Variants in ASTN1 observed in about 807,000 individuals in gnomAD.
ASTN1 encodes the protein astrotactin-1.
Under a neutral mutation model 140.7 loss-of-function variants are expected in ASTN1, and 41 were observed. That is an observed-to-expected ratio of 0.29 (90% confidence interval 0.23 to 0.38). ASTN1 has a LOEUF of 0.38. Among genes scored for constraint, ASTN1 ranks in the 10% least tolerant of loss-of-function variants. The pLI, the probability that ASTN1 is intolerant of heterozygous loss-of-function variation, is 1.00. For missense variants in ASTN1, 1,479 were observed against 1,678.8 expected (o/e 0.88, Z 2.08); for synonymous variants, 640 against 652.2 (o/e 0.98, Z 0.29).
At position 177,055,561 on chromosome 1, in the gene ASTN1, T is replaced by C. The variant is rs748979686; in HGVS notation, c.471+5517A>G. On this transcript the variant is annotated intron_variant, in intron 2 of 22. Coordinates refer to ENST00000361833, the MANE Select transcript of ASTN1 (RefSeq NM_004319.3). ...AAGGTAAAATACACAGTGATGGCCC[T>C]GGCATGTGGGCAGTATGACCAGTAA... 4.6e-5 allele frequency among the ~76,000 whole-genome samples: 7 copies of C among 152,378 alleles called. No homozygotes were observed. In the East Asian group the frequency reaches 1.3e-3, roughly 29 times the overall value.
intron 16 of ASTN1, among the ~76,000 whole-genome samples, chr1:176,930,005 C>T (rs990948549): frequency 7.2e-5 from 11 of 151,988 alleles, no homozygotes; most frequent in Non-Finnish European, 1.6e-4. Flanking sequence ...AAGACTCCGT[C>T]TCAAAAAAAC....
Position 177,116,367 on chromosome 1 carries a change from CAT to C in ASTN1, c.283+48025_283+48026del, listed in dbSNP as rs764418069. 5.9e-5 allele frequency among the ~76,000 whole-genome samples: 9 copies of C among 151,914 alleles called. No individual in the cohort carries two copies. In the South Asian group the frequency reaches 6.2e-4, roughly 11 times the overall value. ...ATTATTTTATGTGTAGATGACAACA[CAT>C]GTTTCATAATACCTCTTTTCTCAGA... On this transcript the variant is annotated intron_variant, in intron 1 of 22. Coordinates refer to ENST00000361833, the MANE Select transcript of ASTN1 (RefSeq NM_004319.3).
At chr1:177,152,451 A>G (rs376607471) in intron 1 of ASTN1, among the ~76,000 whole-genome samples, 221 of 152,268 alleles carry the variant, frequency 1.5e-3, no homozygotes, top group African/African-American at 5.0e-3. Context: ...ATAAAAAAGG[A>G]AACATTCCTT....
At chr1:177,158,687 T>TGC (rs1683350196) in intron 1 of ASTN1, among the ~76,000 whole-genome samples, 1 of 151,328 alleles carries the variant, frequency 6.6e-6, no homozygotes, top group Admixed American at 6.6e-5. Flanking sequence ...TGTGTGTGTG[T>TGC]GTGTGTATGA....
intron 16 of ASTN1, among the ~76,000 whole-genome samples, chr1:176,918,379 C>T (rs1211982066): frequency 6.6e-6 from 1 of 152,160 alleles, no homozygotes; most frequent in Non-Finnish European, 1.5e-5. Flanking sequence ...CCAATGGCCT[C>T]CTTCACTTTT....
In ASTN1 at chr1:177,054,245, T is replaced by C. The variant is rs553059547; in HGVS notation, c.471+6833A>G. 1.2e-3 allele frequency among the ~76,000 whole-genome samples: 187 copies of C among 152,282 alleles called. 2 individuals are homozygous for C. The highest frequency in any genetic ancestry group is 0.01 in the Middle Eastern group (3 of 294). On this transcript the variant is annotated intron_variant, in intron 2 of 22. Coordinates refer to ENST00000361833, the MANE Select transcript of ASTN1 (RefSeq NM_004319.3). ...AAATGAGTAATAACAAACCCTACTT[T>C]ATGGTGTGGTAAGAATAAAAAATAA...
intron 1 of ASTN1, among the ~76,000 whole-genome samples, chr1:177,150,863 T>C (rs1192023602): frequency 6.6e-6 from 1 of 152,226 alleles, no homozygotes; most frequent in East Asian, 1.9e-4. Flanking sequence ...TTAACTTACA[T>C]ATTGTCTACA....
At chr1:177,047,260 A>G (rs867924243) in intron 2 of ASTN1, among the ~76,000 whole-genome samples, 1 of 152,238 alleles carries the variant, frequency 6.6e-6, no homozygotes. Flanking sequence ...GAGTAGAAAG[A>G]GGTGGCCTCA....
At chr1:176,875,570 T>G (rs1198296232) in intron 21 of ASTN1, among the ~76,000 whole-genome samples, 2 of 152,180 alleles carry the variant, frequency 1.3e-5, no homozygotes, top group South Asian at 2.1e-4. Flanking sequence ...TCCCCTGTGA[T>G]TTTGCATCAT....
intron 19 of ASTN1, among the ~76,000 whole-genome samples, chr1:176,883,582 C>T (rs1263800256): frequency 6.6e-6 from 1 of 152,232 alleles, no homozygotes; most frequent in African/African-American, 2.4e-5. Context: ...TACCTGTGCG[C>T]ATCAGGCAAA....
At chr1:176,905,446 G>A (rs1669945151) in intron 16 of ASTN1, among the ~76,000 whole-genome samples, 1 of 152,222 alleles carries the variant, frequency 6.6e-6, no homozygotes, top group Non-Finnish European at 1.5e-5. Flanking sequence ...GCAAGGGAAT[G>A]TTGTAAGAGT....
chr1:177,120,475 A>G (rs1290439947), intron 1 of ASTN1, among the ~76,000 whole-genome samples: 1 of 152,188 alleles, frequency 6.6e-6, no homozygotes, highest in East Asian at 1.9e-4. Context: ...AAGCCCTGAC[A>G]GAAACTTACT....
At chr1:177,038,741 C>T (rs954859782) in intron 2 of ASTN1, among the ~76,000 whole-genome samples, 7 of 151,964 alleles carry the variant, frequency 4.6e-5, no homozygotes, top group Non-Finnish European at 8.8e-5. Flanking sequence ...GAAGATAATG[C>T]GGTGAATAAC....
chr1:177,042,089 C>G (rs947561176), intron 2 of ASTN1, among the ~76,000 whole-genome samples: 1 of 152,180 alleles, frequency 6.6e-6, no homozygotes, highest in Non-Finnish European at 1.5e-5. Flanking sequence ...CTATCTGAAC[C>G]AGGGAAGACC....
rs1388971018 is a variant in ASTN1, at chr1:176,894,549, C to T, written c.2940+13G>A. 2 of 1,612,758 alleles carry T rather than the reference C, an allele frequency of 1.2e-6. No individual in the cohort carries two copies. Among genetic ancestry groups the T allele is most frequent in the Non-Finnish European group, 8.5e-7 (1 of 1,179,576 alleles). ...TTGACGCCTCCCAGAGCCAAGAGTC[C>T]CAGGCCTCTTACCCTCTGGGTCTGG... is the stretch of plus-strand genomic sequence containing the variant. On this transcript the variant is annotated intron_variant, in intron 17 of 22. Coordinates refer to ENST00000361833, the MANE Select transcript of ASTN1 (RefSeq NM_004319.3).
intron 14 of ASTN1, among the ~76,000 whole-genome samples, chr1:176,939,616 C>A (rs1430414491): frequency 6.6e-6 from 1 of 151,770 alleles, no homozygotes; most frequent in African/African-American, 2.4e-5. Context: ...GACAGGCAGT[C>A]AGGTTCAATT....
chr1:176,989,087 A>C lies in ASTN1; in HGVS notation c.1524-23850T>G, dbSNP rs149405340. ...AATTAATAGGCTGAAACCCAGGAGT[A>C]AAAAGGGGCATTTCCCAACTTTGAC... On this transcript the variant is annotated intron_variant, in intron 8 of 22. Coordinates refer to ENST00000361833, the MANE Select transcript of ASTN1 (RefSeq NM_004319.3). 5.7e-3 allele frequency among the ~76,000 whole-genome samples: 868 copies of C among 152,334 alleles called. 2 individuals are homozygous for C. Among genetic ancestry groups the C allele is most frequent in the Non-Finnish European group, 8.4e-3 (570 of 68,026 alleles).
At chr1:176,867,656 A>T (rs1413982811) in intron 22 of ASTN1, among the ~76,000 whole-genome samples, 1 of 152,212 alleles carries the variant, frequency 6.6e-6, no homozygotes, top group Non-Finnish European at 1.5e-5. Flanking sequence ...GATCTTACAC[A>T]TAAAATCATT....
chr1:177,056,486 C>G (rs926607169), intron 2 of ASTN1, among the ~76,000 whole-genome samples: 28 of 151,940 alleles, frequency 1.8e-4, no homozygotes, highest in African/African-American at 6.5e-4. Flanking sequence ...GATTTTTTTC[C>G]CCACAACAGT....
Sources: allele counts gnomAD v4.1 joint callset (sites outside exome capture counted in the v4.1 genomes callset), GRCh38; gene constraint gnomAD v4.1.1; transcripts MANE v1.5; gene names NCBI Gene and HGNC (gene_info 2026-07-23, HGNC 2026-07-21).